LCOR: variants seen among roughly 807,000 people sequenced by gnomAD.
LCOR encodes the protein ligand-dependent corepressor.
A neutral mutation model predicts 64.4 loss-of-function variants in LCOR; 14 were observed. The observed-to-expected ratio is 0.22, with a 90% CI of 0.14 to 0.34. The LOEUF (loss-of-function observed/expected upper bound fraction) is 0.34. Ranked by LOEUF, LCOR falls within the 10% of genes least tolerant of loss-of-function variation. The probability of loss-of-function intolerance (pLI) is 1.00; values close to 1 mark genes in which losing one functional copy is unlikely to be tolerated. For missense variants in LCOR, 1,686 were observed against 1,765.3 expected, an observed-to-expected ratio of 0.96 and a Z score of 0.80; for synonymous variants, 643 against 642.5, an observed-to-expected ratio of 1.00 and a Z score of -0.01.
At chr10:96,976,724 T>C (rs1007612815) in intron 7 of LCOR, among the ~76,000 whole-genome samples, 3 of 152,252 alleles carry the variant, frequency 2.0e-5, no homozygotes, top group Non-Finnish European at 4.4e-5. Context: ...AGCATCACTT[T>C]AGAGGAAAGT....
chr10:96,837,384 T>C (rs1589594879), intron 2 of LCOR, among the ~76,000 whole-genome samples: 1 of 152,110 alleles, frequency 6.6e-6, no homozygotes, highest in African/African-American at 2.4e-5. Context: ...GCCTCCCAAA[T>C]AGCTGGGATT....
chr10:96,952,365 G>A (rs1847696373), intron 7 of LCOR, among the ~76,000 whole-genome samples, 169 bp downstream of exon 7: 1 of 152,190 alleles, frequency 6.6e-6, no homozygotes. Flanking sequence ...AAATTGGCTA[G>A]TACAGATGAG....
intron 2 of LCOR, among the ~76,000 whole-genome samples, chr10:96,844,339 CG>C (rs1267119569): frequency 6.6e-6 from 1 of 151,678 alleles, no homozygotes; most frequent in Admixed American, 6.6e-5. Context: ...TTTGTAAAGA[CG>C]GGGTCTTGCT....
At chr10:96,913,308 A>C (rs1182564919) in intron 4 of LCOR, among the ~76,000 whole-genome samples, 1 of 152,160 alleles carries the variant, frequency 6.6e-6, no homozygotes, top group Non-Finnish European at 1.5e-5. Flanking sequence ...CCATCCACTG[A>C]GATTTTTTGA....
In LCOR at chr10:96,983,407, C is replaced by T. The variant is rs746070878; in HGVS notation, c.2947C>T (p.Pro983Ser). 6.2e-6 allele frequency: 10 copies of T among 1,614,140 alleles called. 1 individual carries two copies. The South Asian group carries it at 1.1e-4, about 18-fold the overall frequency. Residue 983 changes from proline to serine, a missense_variant, in exon 8 of 8, where the codon CCC becomes TCC. Physicochemically the swap from Pro to Ser is moderately conservative, Grantham distance 74. This residue lies in a region of LCOR where 1,293 missense variants were observed against 1,410.4 expected (regional missense o/e 0.92). Coordinates refer to ENST00000421806, the MANE Select transcript of LCOR (RefSeq NM_001346516.2). The surrounding 1 kb of genome is among the most constrained non-coding windows in gnomAD (Gnocchi z 4.5). ...GGCAAAAGAAGAGCCAGGGCATATT[C>T]CCACACAGCATGTGGAGGAGGCTGT... ...EQAKEEPGHIPTQHVEEAVNE... is the reference protein window; with the variant it reads ...EQAKEEPGHISTQHVEEAVNE...
At position 96,937,459 on chromosome 10, in the gene LCOR, A is replaced by G. The variant is rs529848590; in HGVS notation, c.-183-6654A>G. On this transcript the variant is annotated intron_variant, in intron 4 of 7. Transcript: ENST00000421806. ...AGTATTGAGATTAAATTAGTAATTT[A>G]TAAACTCCCATCAAAGAAAAGCCCA... Among the ~76,000 whole-genome samples, 14 of 152,354 alleles carry G rather than the reference A, an allele frequency of 9.2e-5. No homozygotes were observed. In the South Asian group the frequency reaches 2.7e-3, roughly 29 times the overall value.
intron 6 of LCOR, 144 bp downstream of exon 6, chr10:96,949,439 T>C: frequency 1.3e-6 from 1 of 795,970 alleles, no homozygotes; most frequent in Non-Finnish European, 2.0e-6. Context: ...TACTATGCAG[T>C]GATGGAGAAG....
chr10:96,944,644 A>G (rs1050052257), intron 5 of LCOR, among the ~76,000 whole-genome samples: 1 of 151,076 alleles, frequency 6.6e-6, no homozygotes, highest in Non-Finnish European at 1.5e-5. Context: ...TGGAGAGAAA[A>G]TGTAGTTATA....
intron 2 of LCOR, among the ~76,000 whole-genome samples, chr10:96,844,616 T>G (rs1845596448): frequency 6.6e-6 from 1 of 152,216 alleles, no homozygotes; most frequent in African/African-American, 2.4e-5. Flanking sequence ...TCTTTTTGAT[T>G]TTTTAGTTTT....
intron 2 of LCOR, among the ~76,000 whole-genome samples, chr10:96,849,936 C>T (rs1845698528): frequency 6.7e-6 from 1 of 148,688 alleles, no homozygotes; most frequent in African/African-American, 2.5e-5. Flanking sequence ...GAAAGTCCTG[C>T]AGATATCCCT....
In LCOR at chr10:96,833,267, C is replaced by T. The variant is rs533768863; in HGVS notation, c.-403-139C>T. On this transcript the variant is annotated intron_variant, in intron 1 of 7. Transcript: ENST00000421806. ...GCCCGAATGCCCCGTCCGCCCCCCG[C>T]CTCCCGGACCTTGGGCCGCCCTCGG... 732 of 951,722 alleles carry T rather than the reference C, an allele frequency of 7.7e-4. 4 individuals are homozygous for T. In the African/African-American group the frequency reaches 9.2e-3, roughly 12 times the overall value. 59.0% of individuals were successfully genotyped at this position (951,722 alleles called of 1,614,324 possible).
chr10:96,832,406 CCCTCCGCCGA>C lies in LCOR; in HGVS notation c.-404+10_-404+19del, dbSNP rs1845350322. 1.0e-6 allele frequency: 1 copy of C among 979,196 alleles called. No homozygotes were observed. Among genetic ancestry groups the C allele is most frequent in the Non-Finnish European group, 1.2e-6 (1 of 824,010 alleles). The allele number at this position is 979,196 out of a possible 1,614,324, so 60.7% of individuals were successfully genotyped here. On this transcript the variant is annotated splice_region_variant and intron_variant, in intron 1 of 7. Coordinates refer to ENST00000421806, the MANE Select transcript of LCOR (RefSeq NM_001346516.2). ...AAGCTCATTCACTGTGTAGGTGAGA[CCCTCCGCCGA>C]CCGCCGCCGCCCCTCCGGCCGCCCC...
chr10:96,845,376 T>TGTTAG (rs958026614), intron 2 of LCOR, among the ~76,000 whole-genome samples: 50 of 151,184 alleles, frequency 3.3e-4, no homozygotes, highest in African/African-American at 1.2e-3. Flanking sequence ...ATTTCCTGTG[T>TGTTAG]GTTAGGTTAT....
rs58381540 is a variant in LCOR, at chr10:96,865,590, C to A, written c.-330+32111C>A. ...ACCCAAAACAAGAAATAGAACACTT[C>A]TGAGCCAGGCGCGGTGGCTCACGCC... On this transcript the variant is annotated intron_variant, in intron 2 of 7. Coordinates refer to ENST00000421806, the MANE Select transcript of LCOR (RefSeq NM_001346516.2). 2.6e-5 allele frequency among the ~76,000 whole-genome samples: 4 copies of A among 152,092 alleles called. No homozygotes were observed. In the South Asian group the frequency reaches 8.3e-4, roughly 32 times the overall value.
intron 4 of LCOR, among the ~76,000 whole-genome samples, chr10:96,942,463 G>GAGAGGA (rs1847509979): frequency 6.6e-6 from 1 of 151,824 alleles, no homozygotes; most frequent in African/African-American, 2.4e-5. Context: ...GGAGAGGAGG[G>GAGAGGA]AGAGGGAGAG....
rs369234827 is a variant in LCOR at position 96,949,024 on chromosome 10, C to T, written c.-34C>T. ...TATTTACAGACAGTCCCTGGGTCTCCGACCCCAATATTCCCCTAGTGGCCC... is the reference window on the plus strand; with the variant it reads ...TATTTACAGACAGTCCCTGGGTCTCTGACCCCAATATTCCCCTAGTGGCCC... On this transcript the variant is annotated 5_prime_UTR_variant, in exon 6 of 8. Coordinates refer to ENST00000421806, the MANE Select transcript of LCOR (RefSeq NM_001346516.2). 299 of 1,610,848 alleles carry T rather than the reference C, an allele frequency of 1.9e-4. 2 individuals carry two copies. The highest frequency in any genetic ancestry group is 1.7e-3 in the Middle Eastern group (10 of 6,048).
chr10:96,948,070 A>T (rs1847618366), intron 5 of LCOR, among the ~76,000 whole-genome samples: 1 of 152,176 alleles, frequency 6.6e-6, no homozygotes, highest in South Asian at 2.1e-4. Context: ...CATGATGATA[A>T]TATATTTATA....
chr10:96,943,634 T>C (rs1013522776), intron 4 of LCOR, among the ~76,000 whole-genome samples: 2 of 152,158 alleles, frequency 1.3e-5, no homozygotes, highest in Non-Finnish European at 2.9e-5. Context: ...TTCTTCCTAA[T>C]GGCCTTTTAA....
Position 96,915,565 on chromosome 10 carries a change from G to A in LCOR, c.-184+7818G>A, listed in dbSNP as rs189948849. ...AAATTCTGCATTTTTATGAAACTTGGTAAAAAATAGAATTTCAAACTATAC... is the reference window on the plus strand; with the variant it reads ...AAATTCTGCATTTTTATGAAACTTGATAAAAAATAGAATTTCAAACTATAC... On this transcript the variant is annotated intron_variant, in intron 4 of 7. Transcript: ENST00000421806. The A allele has an allele frequency of 6.0e-6, 4 of 665,108 alleles. No individual in the cohort carries two copies. The African/African-American group carries it at 7.3e-5, about 12-fold the overall frequency. 41.2% of individuals were successfully genotyped at this position (665,108 alleles called of 1,614,324 possible). A position where few individuals can be genotyped will look rare whatever the true frequency, so the allele number is the denominator to read the frequency against.
Sources: gnomAD v4.1 joint callset for allele counts (sites outside exome capture counted in the v4.1 genomes callset) on GRCh38, gnomAD v4.1.1 for gene constraint, gnomAD v4.1.1 regional missense constraint, Gnocchi (gnomAD v3.1) non-coding constraint, MANE v1.5 for transcripts, NCBI Gene and HGNC (gene_info 2026-07-23, HGNC 2026-07-21) for gene names.